The following CLIP4 variants were observed in gnomAD, a reference collection of about 807,000 sequenced individuals.
The protein encoded by CLIP4 is CAP-Gly domain-containing linker protein 4.
A neutral mutation model predicts 73.1 loss-of-function variants in CLIP4; 47 were observed. That is an observed-to-expected ratio of 0.64 (90% CI 0.51 to 0.82). The LOEUF is 0.82. Ranked by LOEUF, CLIP4 falls within the 40% of genes least tolerant of loss-of-function variation. CLIP4 has a pLI of 0.00. For missense variants in CLIP4, 874 were observed against 852.9 expected, an observed-to-expected ratio of 1.02 and a Z score of -0.31; for synonymous variants, 306 against 295.4, an observed-to-expected ratio of 1.04 and a Z score of -0.37.
chr2:29,140,690 C>T (rs892522506), intron 6 of CLIP4, among the ~76,000 whole-genome samples: 1 of 152,086 alleles, frequency 6.6e-6, no homozygotes, highest in Non-Finnish European at 1.5e-5. Context: ...GTTTACAGTC[C>T]CACCAACAGT....
At chr2:29,101,646 C>T (rs894586177) in intron 1 of CLIP4, among the ~76,000 whole-genome samples, 1 of 152,168 alleles carries the variant, frequency 6.6e-6, no homozygotes, top group African/African-American at 2.4e-5. Context: ...CCGACACACC[C>T]AGGAGCAATA....
intron 10 of CLIP4, 146 bp from the exon 11 acceptor site, chr2:29,157,057 TG>T: frequency 3.0e-6 from 2 of 658,586 alleles, no homozygotes; most frequent in Non-Finnish European, 5.3e-6. Context: ...AATTGCTATT[TG>T]GATGAAATTA....
chr2:29,153,667 C>T (rs1666731846), intron 9 of CLIP4, among the ~76,000 whole-genome samples: 1 of 152,138 alleles, frequency 6.6e-6, no homozygotes, highest in Non-Finnish European at 1.5e-5. Flanking sequence ...AACAGGTGCT[C>T]AATAAACACT....
At position 29,130,851 on chromosome 2, in the gene CLIP4, C is replaced by T. The variant is rs906954860; in HGVS notation, c.134-407C>T. The T allele has an allele frequency of 2.1e-5, 27 of 1,289,686 alleles. No homozygotes were observed. The East Asian group carries it at 1.5e-3, about 72-fold the overall frequency. The allele number at this position is 1,289,686 out of a possible 1,614,324, so 79.9% of individuals were successfully genotyped here. On this transcript the variant is annotated intron_variant, in intron 2 of 15. Transcript: ENST00000320081. Reference sequence around the variant, plus strand: ...AAAACAAAAAAACCTCAATGAGTCCCACTACTTATGCATGCTGTTACAATC... The same window carrying T: ...AAAACAAAAAAACCTCAATGAGTCCTACTACTTATGCATGCTGTTACAATC...
chr2:29,158,414 A>G (rs538916593), intron 11 of CLIP4, among the ~76,000 whole-genome samples: 32 of 151,898 alleles, frequency 2.1e-4, no homozygotes, highest in African/African-American at 2.4e-4. Context: ...TAGCGTGCCT[A>G]TATATTTACC....
chr2:29,174,604 CCCT>C lies in CLIP4; in HGVS notation c.1796+163_1796+165del. The C allele has an allele frequency of 2.2e-6, 3 of 1,352,214 alleles. No individual in the cohort carries two copies. In the South Asian group the frequency reaches 5.8e-5, roughly 26 times the overall value. The allele number at this position is 1,352,214 out of a possible 1,614,324, so 83.8% of individuals were successfully genotyped here. On this transcript the variant is annotated intron_variant, in intron 15 of 15. Coordinates refer to ENST00000320081, the MANE Select transcript of CLIP4 (RefSeq NM_024692.6). ...AAGTGTATTGAGAAGCGTTCTTCCT[CCCT>C]CCTTTGCAAGCGCAATTAAAAATGT...
At chr2:29,127,921 GATA>G (rs1407362852) in intron 2 of CLIP4, among the ~76,000 whole-genome samples, 1 of 152,100 alleles carries the variant, frequency 6.6e-6, no homozygotes, top group African/African-American at 2.4e-5. Context: ...AACATTTGAA[GATA>G]ATAACTGGAA....
chr2:29,180,039 T>C lies in CLIP4; in HGVS notation c.1797-1533T>C, dbSNP rs558075262. Reference sequence around the variant, plus strand: ...TGTGTGTGACAGTGTATTAAAAATATAGAAAGTGAAATGAAATATGAAATA... The same window carrying C: ...TGTGTGTGACAGTGTATTAAAAATACAGAAAGTGAAATGAAATATGAAATA... On this transcript the variant is annotated intron_variant, in intron 15 of 15. Transcript: ENST00000320081. Among the ~76,000 whole-genome samples the C allele has an allele frequency of 2.0e-5, 3 of 152,152 alleles. No individual in the cohort carries two copies. In the South Asian group the frequency reaches 6.2e-4, roughly 32 times the overall value.
chr2:29,160,012 C>T (rs941076938), intron 11 of CLIP4, among the ~76,000 whole-genome samples: 1 of 152,106 alleles, frequency 6.6e-6, no homozygotes, highest in Admixed American at 6.5e-5. Flanking sequence ...TTGCTGTGAC[C>T]CCTGTTCTAG....
At chr2:29,102,094 CTGG>C (rs1668067219) in intron 1 of CLIP4, among the ~76,000 whole-genome samples, 1 of 152,114 alleles carries the variant, frequency 6.6e-6, no homozygotes, top group Admixed American at 6.5e-5. Context: ...TTTGTCATTT[CTGG>C]TGGTCAGGAA....
intron 12 of CLIP4, 127 bp downstream of exon 12, chr2:29,160,594 T>A: frequency 9.8e-7 from 1 of 1,023,690 alleles, no homozygotes; most frequent in Non-Finnish European, 1.4e-6. Context: ...GCAGCTATAG[T>A]ACAGAAAATG....
intron 13 of CLIP4, 26 bp from the exon 14 acceptor site, chr2:29,167,450 C>A: frequency 1.9e-6 from 3 of 1,552,004 alleles, no homozygotes; most frequent in Non-Finnish European, 2.6e-6. Context: ...CTACTTCTAA[C>A]GAGATGTCCT....
intron 5 of CLIP4, among the ~76,000 whole-genome samples, 161 bp downstream of exon 5, chr2:29,133,977 T>G (rs779465947): frequency 6.6e-6 from 1 of 152,184 alleles, no homozygotes; most frequent in Non-Finnish European, 1.5e-5. Context: ...CTTTATTGAG[T>G]ATTAATTACT....
At chr2:29,135,143 G>C (rs1402611294) in intron 5 of CLIP4, among the ~76,000 whole-genome samples, 1 of 152,084 alleles carries the variant, frequency 6.6e-6, no homozygotes, top group Non-Finnish European at 1.5e-5. Flanking sequence ...GGCTGGATTT[G>C]GCCTCTGAGT....
intron 8 of CLIP4, among the ~76,000 whole-genome samples, chr2:29,146,416 G>A (rs888627305): frequency 2.0e-5 from 3 of 152,288 alleles, no homozygotes; most frequent in Middle Eastern, 3.4e-3. Context: ...GAAACTCTGC[G>A]AGGTTTCTTT....
At position 29,160,359 on chromosome 2, in the gene CLIP4, G is replaced by T; in HGVS notation, c.1426G>T (p.Ala476Ser). 6.2e-7 allele frequency: 1 copy of T among 1,614,064 alleles called. No homozygotes were observed. Among genetic ancestry groups the T allele is most frequent in the South Asian group, 1.1e-5 (1 of 91,076 alleles). ...TTTGAATTCCTCAGCAACATCTACA[G>T]CAAATAATAGCCGTTGCGAGGGGGA... The part of the protein sequence containing the change: ...AGLNSSATST[A>S]NNSRCEGELR... Residue 476 changes from alanine to serine, a missense_variant, in exon 12 of 16, where the codon GCA (alanine) becomes TCA (serine). By Grantham distance (99) the Ala-to-Ser change is moderately conservative. Transcript: ENST00000320081.
chr2:29,101,694 A>ATTGG (rs1470588510), intron 1 of CLIP4, among the ~76,000 whole-genome samples: 1 of 152,228 alleles, frequency 6.6e-6, no homozygotes, highest in East Asian at 1.9e-4. Context: ...GACACTCAGT[A>ATTGG]TTAACCATCA....
intron 1 of CLIP4, among the ~76,000 whole-genome samples, chr2:29,116,769 A>G (rs1049667816): frequency 1.3e-5 from 2 of 152,248 alleles, no homozygotes; most frequent in Non-Finnish European, 2.9e-5. Flanking sequence ...GAGTCTAGCC[A>G]TGCATGGAAT....
chr2:29,121,627 A>T, intron 2 of CLIP4, 106 bp downstream of exon 2: 1 of 1,301,026 alleles, frequency 7.7e-7, no homozygotes, highest in Non-Finnish European at 1.1e-6. Flanking sequence ...TATGGTTTTC[A>T]TAAAATTGCT....
Sources: gnomAD v4.1 joint callset for allele counts (sites outside exome capture counted in the v4.1 genomes callset) on GRCh38, gnomAD v4.1.1 for gene constraint, MANE v1.5 for transcripts, NCBI Gene and HGNC (gene_info 2026-07-23, HGNC 2026-07-21) for gene names.